The following ARHGEF10L variants were observed in gnomAD, a reference collection of about 807,000 sequenced individuals.
ARHGEF10L encodes Rho guanine nucleotide exchange factor 10 like.
A neutral mutation model predicts 141.2 loss-of-function variants in ARHGEF10L; 69 were observed. The ratio of observed to expected loss-of-function variants is 0.49; its 90% CI spans 0.40 to 0.60. The LOEUF is 0.60. Ranked by LOEUF, ARHGEF10L falls within the 20% of genes least tolerant of loss-of-function variation. The pLI is 0.00. For synonymous variants in ARHGEF10L, 711 were observed against 718.5 expected (o/e 0.99, Z 0.17); for missense variants, 1,482 against 1,734.3 (o/e 0.85, Z 2.58).
At chr1:17,661,118 C>T (rs1258777122) in intron 25 of ARHGEF10L, among the ~76,000 whole-genome samples, 1 of 152,162 alleles carries the variant, frequency 6.6e-6, no homozygotes, top group Non-Finnish European at 1.5e-5. Context: ...CAGAGTTTCA[C>T]TCTGTCACCC....
chr1:17,620,945 T>G (rs1318883343), intron 10 of ARHGEF10L, among the ~76,000 whole-genome samples: 3 of 152,050 alleles, frequency 2.0e-5, no homozygotes, highest in African/African-American at 7.2e-5. Context: ...GGTGACTGTG[T>G]TGGAAAGATC....
intron 4 of ARHGEF10L, among the ~76,000 whole-genome samples, chr1:17,597,595 T>C (rs974275152): frequency 6.6e-6 from 1 of 152,188 alleles, no homozygotes; most frequent in Non-Finnish European, 1.5e-5. Flanking sequence ...GAGGAACACC[T>C]GCTCCAGTCT....
chr1:17,522,849 G>A, the ARHGEF10L span, among the ~76,000 whole-genome samples: 1 of 151,986 alleles, frequency 6.6e-6, no homozygotes, highest in African/African-American at 2.4e-5. Context: ...TCCTCTCCAG[G>A]GCAGTCATGG....
upstream of ARHGEF10L, among the ~76,000 whole-genome samples, chr1:17,536,000 G>A (rs907654897): frequency 6.6e-6 from 1 of 152,228 alleles, no homozygotes; most frequent in African/African-American, 2.4e-5. Flanking sequence ...GCAGGCTGCA[G>A]GTAGGGGCCT....
intron 16 of ARHGEF10L, among the ~76,000 whole-genome samples, chr1:17,633,841 G>A (rs1294045913): frequency 6.6e-6 from 1 of 152,164 alleles, no homozygotes; most frequent in East Asian, 1.9e-4. Flanking sequence ...GTAGGTTTGG[G>A]GATTTTCCAT....
the ARHGEF10L span, among the ~76,000 whole-genome samples, chr1:17,525,692 CT>C: frequency 6.6e-6 from 1 of 151,754 alleles, no homozygotes; most frequent in Admixed American, 6.6e-5. Flanking sequence ...TAAAATCATT[CT>C]TTTAATAATT....
At chr1:17,612,480 A>G (rs1179178807) in intron 7 of ARHGEF10L, among the ~76,000 whole-genome samples, 2 of 151,880 alleles carry the variant, frequency 1.3e-5, no homozygotes, top group Non-Finnish European at 2.9e-5. Flanking sequence ...TTATTCATCC[A>G]TCCATCCCTC....
At chr1:17,676,761 G>A (rs2063750629) in intron 26 of ARHGEF10L, among the ~76,000 whole-genome samples, 1 of 151,980 alleles carries the variant, frequency 6.6e-6, no homozygotes, top group African/African-American at 2.4e-5. Flanking sequence ...TCCAGCCACT[G>A]GACAGGTCCC....
intron 26 of ARHGEF10L, among the ~76,000 whole-genome samples, chr1:17,681,204 G>A (rs999380094): frequency 6.6e-6 from 1 of 152,158 alleles, no homozygotes; most frequent in African/African-American, 2.4e-5. Flanking sequence ...TACATGCACA[G>A]AGACATACAC....
intron 26 of ARHGEF10L, among the ~76,000 whole-genome samples, chr1:17,671,170 C>A (rs867816677): frequency 2.6e-5 from 4 of 152,232 alleles, no homozygotes; most frequent in Non-Finnish European, 5.9e-5. Context: ...CACCTTCCTC[C>A]GCCACGGCGG....
chr1:17,568,183 G>T (rs2077838835), intron 1 of ARHGEF10L, among the ~76,000 whole-genome samples: 1 of 152,200 alleles, frequency 6.6e-6, no homozygotes, highest in African/African-American at 2.4e-5. Flanking sequence ...CTTCTTGTAG[G>T]CCGGTGCTGC....
intron 7 of ARHGEF10L, among the ~76,000 whole-genome samples, chr1:17,608,475 C>G (rs903807852): frequency 6.6e-6 from 1 of 152,220 alleles, no homozygotes; most frequent in Non-Finnish European, 1.5e-5. Flanking sequence ...TAAGCCAGAG[C>G]GGCCTGGAAG....
chr1:17,686,098 CTTTCTTTCTTTT>C (rs1468557341), intron 26 of ARHGEF10L, among the ~76,000 whole-genome samples: 6 of 144,306 alleles, frequency 4.2e-5, no homozygotes, highest in African/African-American at 1.6e-4. Flanking sequence ...TTCTTTCTTT[CTTTCTTTCTTTT>C]TTTTTTGCAT....
In ARHGEF10L at chr1:17,625,008, G is replaced by A. The variant is rs2060305049; in HGVS notation, c.1317+505G>A. 6.6e-6 allele frequency among the ~76,000 whole-genome samples: 1 copy of A among 152,122 alleles called. No homozygotes were observed. The highest frequency in any genetic ancestry group is 1.5e-5 in the Non-Finnish European group (1 of 68,020). Reference sequence around the variant, plus strand: ...TGGGAGTGTAGTCTGGTGAGTCAGAGCCCCTGCCTGTAGGGAGCCTGCTGG... The same window carrying A: ...TGGGAGTGTAGTCTGGTGAGTCAGAACCCCTGCCTGTAGGGAGCCTGCTGG... On this transcript the variant is annotated intron_variant, in intron 13 of 28. Transcript: ENST00000361221. This position sits in a 1 kb window ranked among gnomAD's most constrained non-coding sequence, Gnocchi z 4.5.
chr1:17,555,016 A>G (rs2077254416), intron 1 of ARHGEF10L, among the ~76,000 whole-genome samples: 1 of 152,192 alleles, frequency 6.6e-6, no homozygotes, highest in Non-Finnish European at 1.5e-5. Context: ...AATCCTAAGC[A>G]TGTGTGTTGC....
chr1:17,537,952 C>T (rs984396878), upstream of ARHGEF10L, among the ~76,000 whole-genome samples: 1 of 151,908 alleles, frequency 6.6e-6, no homozygotes, highest in Non-Finnish European at 1.5e-5. Context: ...ATGCCCGCAC[C>T]TGTAGTGCCA....
At chr1:17,628,039 A>G (rs2060481035) in intron 15 of ARHGEF10L, among the ~76,000 whole-genome samples, 1 of 152,134 alleles carries the variant, frequency 6.6e-6, no homozygotes, top group Admixed American at 6.5e-5. Flanking sequence ...GCTATTAAAA[A>G]AAAAAAAAGA....
chr1:17,641,596 C>A (rs1343311688), intron 21 of ARHGEF10L, among the ~76,000 whole-genome samples: 1 of 152,098 alleles, frequency 6.6e-6, no homozygotes, highest in Non-Finnish European at 1.5e-5. Flanking sequence ...GCACTCCAGC[C>A]TGGGCAACAG....
chr1:17,596,555 A>G (rs892055195), intron 4 of ARHGEF10L, among the ~76,000 whole-genome samples: 2 of 152,178 alleles, frequency 1.3e-5, no homozygotes, highest in African/African-American at 4.8e-5. Flanking sequence ...GGGCCCCAGA[A>G]TGCTTGTGCG....
Sources: allele counts gnomAD v4.1 joint callset (sites outside exome capture counted in the v4.1 genomes callset), GRCh38; gene constraint gnomAD v4.1.1; non-coding constraint Gnocchi (gnomAD v3.1); transcripts MANE v1.5; gene names NCBI Gene and HGNC (gene_info 2026-07-23, HGNC 2026-07-21).